FHIT: variants seen among roughly 807,000 people sequenced by gnomAD.
FHIT encodes bis(5'-adenosyl)-triphosphatase.
In FHIT, 19 loss-of-function variants were observed where a neutral mutation model predicts 17.9. The observed-to-expected ratio is 1.06, with a 90% CI of 0.74 to 1.56. The LOEUF is 1.56. Ranked by LOEUF, FHIT falls within the 40% of genes most tolerant of loss-of-function variation. The pLI, the probability that FHIT is intolerant of heterozygous loss-of-function variation, is 0.00. For synonymous variants in FHIT, 81 were observed against 69.7 expected, an observed-to-expected ratio of 1.16 and a Z score of -0.81; for missense variants, 248 against 189.2, an observed-to-expected ratio of 1.31 and a Z score of -1.82.
chr3:60,935,524 C>A (rs547418456), intron 3 of FHIT, among the ~76,000 whole-genome samples: 1 of 152,286 alleles, frequency 6.6e-6, no homozygotes, highest in African/African-American at 2.4e-5. Context: ...AGCTGCAGTT[C>A]ATTATTTGGA....
rs553116746 is a variant in FHIT, at chr3:61,080,008, T to C, written c.-163-37909A>G. Among the ~76,000 whole-genome samples, 4 of 152,252 alleles carry C rather than the reference T, an allele frequency of 2.6e-5. No homozygotes were observed. In the East Asian group the frequency reaches 7.7e-4, roughly 29 times the overall value. On this transcript the variant is annotated intron_variant, in intron 2 of 9. Transcript: ENST00000492590. Reference sequence around the variant, plus strand: ...ATAAATTTTTAAATTAAAATTATCATCAAACTCTTAAAGTATTTCATTTTT... The same window carrying C: ...ATAAATTTTTAAATTAAAATTATCACCAAACTCTTAAAGTATTTCATTTTT...
chr3:61,120,755 G>A (rs2036434628), intron 2 of FHIT, among the ~76,000 whole-genome samples: 2 of 152,050 alleles, frequency 1.3e-5, no homozygotes, highest in Non-Finnish European at 2.9e-5. Context: ...TTGACGAATT[G>A]ACAGAAGTAG....
Position 60,310,047 on chromosome 3 carries a change from C to G in FHIT, c.103+226813G>C, listed in dbSNP as rs73836721. 3.9e-3 allele frequency among the ~76,000 whole-genome samples: 587 copies of G among 152,258 alleles called. 2 individuals are homozygous for G. The highest frequency in any genetic ancestry group is 0.013 in the African/African-American group (555 of 41,554). The stretch of plus-strand genomic sequence containing the variant: ...TGAGCACCTGCCTGCTGTCTGGAAT[C>G]AGGTCATGCAGGCAGAGCAGGCAGG... On this transcript the variant is annotated intron_variant, in intron 5 of 9. Coordinates refer to ENST00000492590, the MANE Select transcript of FHIT (RefSeq NM_002012.4).
chr3:60,049,775 T>G (rs1416011337), intron 5 of FHIT, among the ~76,000 whole-genome samples: 1 of 152,228 alleles, frequency 6.6e-6, no homozygotes, highest in Non-Finnish European at 1.5e-5. Context: ...ACATTATACT[T>G]CTACCAGACA....
intron 4 of FHIT, among the ~76,000 whole-genome samples, chr3:60,578,467 A>ACG (rs1346699056): frequency 6.6e-6 from 1 of 151,656 alleles, no homozygotes; most frequent in Non-Finnish European, 1.5e-5. Flanking sequence ...ACACACACAC[A>ACG]CACACACACG....
At chr3:60,506,963 A>G (rs2034757727) in intron 5 of FHIT, among the ~76,000 whole-genome samples, 1 of 152,186 alleles carries the variant, frequency 6.6e-6, no homozygotes, top group African/African-American at 2.4e-5. Context: ...AGTGTGTGTA[A>G]AACATAGTGC....
chr3:61,242,248 A>T (rs768233640), intron 1 of FHIT, among the ~76,000 whole-genome samples: 34 of 152,078 alleles, frequency 2.2e-4, no homozygotes, highest in Non-Finnish European at 4.4e-4. Context: ...GGGTTATTTG[A>T]GTTGAAGGCA....
intron 8 of FHIT, among the ~76,000 whole-genome samples, chr3:59,892,448 T>C (rs906141478): frequency 3.9e-5 from 6 of 152,200 alleles, no homozygotes; most frequent in East Asian, 1.9e-4. Flanking sequence ...CCAGCCAAGA[T>C]TGATAAATTA....
At chr3:60,848,872 C>G (rs1391098628) in intron 3 of FHIT, among the ~76,000 whole-genome samples, 1 of 151,988 alleles carries the variant, frequency 6.6e-6, no homozygotes, top group Non-Finnish European at 1.5e-5. Context: ...TCCCAAATAC[C>G]ACCCAATTCC....
intron 3 of FHIT, among the ~76,000 whole-genome samples, chr3:60,839,268 G>T (rs955667411): frequency 6.6e-6 from 1 of 152,012 alleles, no homozygotes; most frequent in African/African-American, 2.4e-5. Context: ...AGTCTAATAC[G>T]TATCAAAATT....
At chr3:60,033,413 G>C (rs1701083845) in intron 5 of FHIT, among the ~76,000 whole-genome samples, 1 of 151,868 alleles carries the variant, frequency 6.6e-6, no homozygotes, top group Admixed American at 6.6e-5. Context: ...AGAATCGCTT[G>C]AACCTGGGAG....
chr3:60,520,875 A>T (rs1322556891), intron 5 of FHIT, among the ~76,000 whole-genome samples: 1 of 151,932 alleles, frequency 6.6e-6, no homozygotes, highest in African/African-American at 2.4e-5. Context: ...TCACACACCT[A>T]CCTCTTCCCA....
chr3:60,929,938 C>T (rs1224650055), intron 3 of FHIT, among the ~76,000 whole-genome samples: 2 of 152,190 alleles, frequency 1.3e-5, no homozygotes, highest in African/African-American at 4.8e-5. Flanking sequence ...AAGCTGGAGG[C>T]ATCATGCTAC....
At chr3:61,226,820 C>G (rs1289532585) in intron 1 of FHIT, among the ~76,000 whole-genome samples, 2 of 152,096 alleles carry the variant, frequency 1.3e-5, no homozygotes, top group Non-Finnish European at 2.9e-5. Flanking sequence ...TTTTCATCCT[C>G]CAGCCAATTA....
intron 8 of FHIT, among the ~76,000 whole-genome samples, chr3:59,904,909 A>G (rs939973109): frequency 3.9e-5 from 6 of 152,200 alleles, no homozygotes; most frequent in African/African-American, 1.4e-4. Context: ...CAAAGACACC[A>G]CTCAAAGGTG....
intron 8 of FHIT, among the ~76,000 whole-genome samples, chr3:59,894,991 G>A (rs1308524754): frequency 2.0e-5 from 3 of 152,212 alleles, no homozygotes; most frequent in Non-Finnish European, 4.4e-5. Flanking sequence ...ATCAGGGGCT[G>A]GAATTAGGGC....
At chr3:60,449,561 C>A (rs1173284168) in intron 5 of FHIT, among the ~76,000 whole-genome samples, 1 of 152,092 alleles carries the variant, frequency 6.6e-6, no homozygotes, top group African/African-American at 2.4e-5. Flanking sequence ...GATGGTGCAG[C>A]CTACTACATA....
chr3:60,658,835 A>G (rs2040175494), intron 4 of FHIT, among the ~76,000 whole-genome samples: 1 of 152,098 alleles, frequency 6.6e-6, no homozygotes, highest in African/African-American at 2.4e-5. Context: ...CCACATTTTT[A>G]CCTTTACGGA....
chr3:61,212,668 C>G (rs559072648), intron 1 of FHIT, among the ~76,000 whole-genome samples: 1 of 152,154 alleles, frequency 6.6e-6, no homozygotes, highest in Admixed American at 6.5e-5. Context: ...AAAGATACTC[C>G]TCGAGAAGGG....
Sources: allele counts gnomAD v4.1 joint callset (sites outside exome capture counted in the v4.1 genomes callset), GRCh38; gene constraint gnomAD v4.1.1; transcripts MANE v1.5; gene names NCBI Gene and HGNC (gene_info 2026-07-23, HGNC 2026-07-21).